Variants in OR2Z1 observed in about 807,000 individuals in gnomAD.
OR2Z1 encodes the protein olfactory receptor 2Z1.
For synonymous variants in OR2Z1, 188 were observed against 160.6 expected, an observed-to-expected ratio of 1.17 and a Z score of -1.29; for missense variants, 449 against 401.8, an observed-to-expected ratio of 1.12 and a Z score of -1.00.
rs560066148 is a variant in OR2Z1 at position 8,731,256 on chromosome 19, C to T, written c.228C>T (p.Val76=). The stretch of plus-strand genomic sequence containing the variant: ...TGTTTGACATTGGCTGTCCCATGGT[C>T]ACCATCCCCAAGATGGCATCAGACT... ...LSLFDIGCPM[V]TIPKMASDFL... is the part of the protein sequence containing the mutation. The change falls in exon 3 of 3, where the codon GTC becomes GTT. Residue 76 remains valine, a synonymous_variant. Transcript: ENST00000641125. 1.5e-5 allele frequency: 25 copies of T among 1,614,138 alleles called. No homozygotes were observed. In the South Asian group the frequency reaches 2.4e-4, roughly 16 times the overall value.
Position 8,731,413 on chromosome 19 carries a change from C to G in OR2Z1, c.385C>G (p.Pro129Ala), listed in dbSNP as rs782023529. The change falls in exon 3 of 3, where the codon CCC (proline) becomes GCC (alanine). Residue 129 changes from proline to alanine, a missense_variant. Physicochemically the swap from Pro to Ala is conservative, Grantham distance 27. Coordinates refer to ENST00000641125, the MANE Select transcript of OR2Z1 (RefSeq NM_001004699.3). ...TGACCGTTATGTTGCTGTGTGCCAGCCCCTGCAGTATCCTGTACTTATGAG... is the reference window on the plus strand; with the variant it reads ...TGACCGTTATGTTGCTGTGTGCCAGGCCCTGCAGTATCCTGTACTTATGAG... ...SYDRYVAVCQ[P>A]LQYPVLMRRQ... 1.2e-6 allele frequency: 2 copies of G among 1,614,026 alleles called. No individual in the cohort carries two copies. The highest frequency in any genetic ancestry group is 1.7e-6 in the Non-Finnish European group (2 of 1,180,000).
intron 2 of OR2Z1, chr19:8,728,800 CCTT>C (rs2043338357): frequency 1.3e-5 from 8 of 632,030 alleles, no homozygotes; most frequent in Non-Finnish European, 1.5e-5. Flanking sequence ...CGAACATATG[CCTT>C]CTTCTCTTCA....
chr19:8,731,703 T>C lies in OR2Z1; in HGVS notation c.675T>C (p.Val225=), dbSNP rs2043357758. 4 of 1,614,050 alleles carry C rather than the reference T, an allele frequency of 2.5e-6. No individual in the cohort carries two copies. The highest frequency in any genetic ancestry group is 3.4e-6 in the Non-Finnish European group (4 of 1,180,050). Residue 225 remains valine, a synonymous_variant, in exon 3 of 3, where the codon GTT becomes GTC. Transcript: ENST00000641125. Reference sequence around the variant, plus strand: ...CCTACGGCCACGTGTTGCAGGCTGTTCTAAGCATGCGCTCAGAGGAGGCCA... The same window carrying C: ...CCTACGGCCACGTGTTGCAGGCTGTCCTAAGCATGCGCTCAGAGGAGGCCA... ...ATSYGHVLQA[V]LSMRSEEARH... is the part of the protein sequence containing the mutation.
chr19:8,725,012 G>C (rs1555756018), intron 2 of OR2Z1, among the ~76,000 whole-genome samples: 1 of 152,040 alleles, frequency 6.6e-6, no homozygotes, highest in Non-Finnish European at 1.5e-5. Flanking sequence ...ATTCCTACCT[G>C]ACCTTCAAAA....
intron 2 of OR2Z1, 117 bp from the exon 3 acceptor site, chr19:8,730,743 A>G: frequency 2.2e-6 from 1 of 464,668 alleles, no homozygotes; most frequent in Non-Finnish European, 3.9e-6. Flanking sequence ...CACTATAGGG[A>G]GCAGTGGGTA....
At position 8,731,967 on chromosome 19, in the gene OR2Z1, G is replaced by T; in HGVS notation, c.939G>T (p.Met313Ile). The T allele has an allele frequency of 1.9e-6, 3 of 1,611,160 alleles. No individual in the cohort carries two copies. The highest frequency in any genetic ancestry group is 2.5e-6 in the Non-Finnish European group (3 of 1,177,888). ...KVLSRAGLRQ[M>I]C is the part of the protein sequence containing the mutation. ...TTAGCAGAGCTGGACTCAGGCAAAT[G>T]TGCTGACTACATAGAAACTGCTGGT... The change falls in exon 3 of 3, where the codon ATG (methionine) becomes ATT (isoleucine). Residue 313 changes from methionine to isoleucine, a missense_variant. Physicochemically the swap from Met to Ile is conservative, Grantham distance 10. Coordinates refer to ENST00000641125, the MANE Select transcript of OR2Z1 (RefSeq NM_001004699.3).
intron 2 of OR2Z1, among the ~76,000 whole-genome samples, chr19:8,727,563 T>A (rs1158020592): frequency 6.7e-6 from 1 of 150,066 alleles, no homozygotes; most frequent in East Asian, 2.0e-4. Context: ...ATAATAATAA[T>A]AAAAAAAAAC....
Position 8,727,823 on chromosome 19 carries a change from C to T in OR2Z1, c.-169-3037C>T, listed in dbSNP as rs186209444. 1.7e-3 allele frequency among the ~76,000 whole-genome samples: 260 copies of T among 152,288 alleles called. 3 individuals carry two copies. Among genetic ancestry groups the T allele is most frequent in the Admixed American group, 0.011 (166 of 15,300 alleles). ...CGGAAGTTGCAGTGAGCCAGGATCA[C>T]GCCACTGTACTCCCGCCTGGGTCAC... On this transcript the variant is annotated intron_variant, in intron 2 of 2. Coordinates refer to ENST00000641125, the MANE Select transcript of OR2Z1 (RefSeq NM_001004699.3).
intron 2 of OR2Z1, among the ~76,000 whole-genome samples, chr19:8,726,193 C>T (rs782063575): frequency 5.9e-5 from 9 of 152,158 alleles, no homozygotes; most frequent in Non-Finnish European, 1.0e-4. Context: ...TTGCAAACTC[C>T]TGACCTCGTG....
chr19:8,729,695 A>G (rs2043343357), intron 2 of OR2Z1, among the ~76,000 whole-genome samples: 1 of 151,722 alleles, frequency 6.6e-6, no homozygotes, highest in Non-Finnish European at 1.5e-5. Flanking sequence ...GGTTCAAGCG[A>G]TTCTTCTGCC....
intron 2 of OR2Z1, among the ~76,000 whole-genome samples, chr19:8,727,791 G>A (rs1293089387): frequency 6.6e-5 from 10 of 152,124 alleles, no homozygotes; most frequent in East Asian, 1.9e-4. Flanking sequence ...TGCTTGAACC[G>A]GGGAGGCGGA....
intron 2 of OR2Z1, among the ~76,000 whole-genome samples, chr19:8,725,389 C>A (rs2145076462): frequency 6.6e-6 from 1 of 152,210 alleles, no homozygotes; most frequent in African/African-American, 2.4e-5. Flanking sequence ...ATTACAGGTG[C>A]CCGCCACCAC....
chr19:8,731,364 C>T lies in OR2Z1; in HGVS notation c.336C>T (p.Gly112=). ...FFLTLMGVAE[G]VLLVLMSYDR... is the part of the protein sequence containing the mutation. ...TCACACTGATGGGTGTGGCTGAGGG[C>T]GTCCTGTTGGTCCTCATGTCTTATG... The change falls in exon 3 of 3, where the codon GGC becomes GGT. Residue 112 remains glycine, a synonymous_variant. Coordinates refer to ENST00000641125, the MANE Select transcript of OR2Z1 (RefSeq NM_001004699.3). The T allele has an allele frequency of 4.3e-6, 7 of 1,614,012 alleles. No homozygotes were observed. The highest frequency in any genetic ancestry group is 1.3e-5 in the African/African-American group (1 of 74,980).
intron 2 of OR2Z1, among the ~76,000 whole-genome samples, chr19:8,727,303 TGA>T (rs1227112763): frequency 6.6e-6 from 1 of 152,196 alleles, no homozygotes; most frequent in Non-Finnish European, 1.5e-5. Flanking sequence ...TTGTGTTGTC[TGA>T]GAGACACTCT....
Position 8,730,819 on chromosome 19 carries a change from GC to G in OR2Z1, c.-169-39del, listed in dbSNP as rs1644711063. ...GCCAGCTGCTTCTTTCCCATCCCATGCCTTGGATAGACACTAACTGATTAAG... is the reference window on the plus strand; with the variant it reads ...GCCAGCTGCTTCTTTCCCATCCCATGCTTGGATAGACACTAACTGATTAAG... On this transcript the variant is annotated intron_variant, in intron 2 of 2. Coordinates refer to ENST00000641125, the MANE Select transcript of OR2Z1 (RefSeq NM_001004699.3). 7.7e-5 allele frequency: 46 copies of G among 593,588 alleles called. No individual in the cohort carries two copies. In the South Asian group the frequency reaches 9.5e-4, roughly 12 times the overall value. 36.8% of individuals were successfully genotyped at this position (593,588 alleles called of 1,614,324 possible). A position where few individuals can be genotyped will look rare whatever the true frequency, so the allele number is the denominator to read the frequency against.
At chr19:8,730,821 C>A in intron 2 of OR2Z1, 39 bp from the exon 3 acceptor site, 2 of 595,628 alleles carry the variant, frequency 3.4e-6, no homozygotes, top group East Asian at 2.8e-5. Context: ...CATCCCATGC[C>A]TTGGATAGAC....
chr19:8,728,665 C>T (rs2043337660), intron 2 of OR2Z1: 1 of 490,124 alleles, frequency 2.0e-6, no homozygotes, highest in Non-Finnish European at 3.9e-6. Flanking sequence ...GAACATAGTA[C>T]CCAATAGGTA....
At chr19:8,730,391 C>T (rs2043346686) in intron 2 of OR2Z1, among the ~76,000 whole-genome samples, 1 of 152,070 alleles carries the variant, frequency 6.6e-6, no homozygotes, top group Non-Finnish European at 1.5e-5. Context: ...TTGAAGCATT[C>T]CACCATCTAT....
At chr19:8,730,150 T>C (rs185731577) in intron 2 of OR2Z1, among the ~76,000 whole-genome samples, 116 of 152,362 alleles carry the variant, frequency 7.6e-4, no homozygotes, top group Middle Eastern at 6.8e-3. Context: ...AACATGCTCA[T>C]TTGGTAGAAT....
Sources: gnomAD v4.1 joint callset for allele counts (sites outside exome capture counted in the v4.1 genomes callset) on GRCh38, gnomAD v4.1.1 for gene constraint, MANE v1.5 for transcripts, NCBI Gene and HGNC (gene_info 2026-07-23, HGNC 2026-07-21) for gene names.